C12orf56: variants seen among roughly 807,000 people sequenced by gnomAD.
The protein encoded by C12orf56 is chromosome 12 open reading frame 56, also known as uncharacterized protein C12orf56.
In C12orf56, 71 loss-of-function variants were observed where a neutral mutation model predicts 69.9. That is an observed-to-expected ratio of 1.02 (90% CI 0.84 to 1.24). The LOEUF (loss-of-function observed/expected upper bound fraction) is 1.24. Among genes scored for constraint, C12orf56 ranks in the 50% most tolerant of loss-of-function variants. The pLI is 0.00. For synonymous variants in C12orf56, 276 were observed against 274.1 expected, an observed-to-expected ratio of 1.01 and a Z score of -0.07; for missense variants, 732 against 738.5, an observed-to-expected ratio of 0.99 and a Z score of 0.10.
At chr12:64,358,457 C>CCAAAAA in intron 1 of C12orf56, among the ~76,000 whole-genome samples, 1 of 81,156 alleles carries the variant, frequency 1.2e-5, no homozygotes, top group East Asian at 3.7e-4. Context: ...GACTCCATCT[C>CCAAAAA]AAAAGTAATA....
chr12:64,327,780 G>A (rs1201058010), intron 3 of C12orf56, among the ~76,000 whole-genome samples: 1 of 152,166 alleles, frequency 6.6e-6, no homozygotes, highest in African/African-American at 2.4e-5. Flanking sequence ...TTCTGTCTTA[G>A]TTTTTTTGAT....
intron 1 of C12orf56, among the ~76,000 whole-genome samples, chr12:64,365,910 T>G (rs1271071977): frequency 7.5e-6 from 1 of 133,922 alleles, no homozygotes; most frequent in Non-Finnish European, 1.5e-5. Flanking sequence ...ACATTATGTA[T>G]AGTGTATATA....
chr12:64,390,416 G>A lies in C12orf56; in HGVS notation c.150C>T (p.Leu50=), dbSNP rs1440275234. Residue 50 remains leucine (L), a synonymous_variant, in exon 1 of 13, where the codon CTC becomes CTT. Transcript: ENST00000543942. The stretch of plus-strand genomic sequence containing the variant: ...GCCGGTCGCTTAGCACCACATACTT[G>A]AGGATGTGGTTCTCAGAGTTGGACA... ...IVVSNSENHI[L]KYVVLSDRLV... 4.3e-6 allele frequency: 7 copies of A among 1,613,034 alleles called. No homozygotes were observed. The highest frequency in any genetic ancestry group is 5.9e-6 in the Non-Finnish European group (7 of 1,179,744).
intron 1 of C12orf56, among the ~76,000 whole-genome samples, chr12:64,361,642 G>A (rs1468607165): frequency 6.6e-6 from 1 of 152,036 alleles, no homozygotes; most frequent in African/African-American, 2.4e-5. Context: ...TCCACCTTTT[G>A]TTTAGCATAT....
At chr12:64,299,693 A>G (rs1396746593) in intron 6 of C12orf56, among the ~76,000 whole-genome samples, 5 of 152,122 alleles carry the variant, frequency 3.3e-5, no homozygotes, top group African/African-American at 1.2e-4. Context: ...TGTGCCAATC[A>G]CTATAGTAAA....
rs554505618 is a variant in C12orf56 at position 64,304,776 on chromosome 12, T to C, written c.969-997A>G. Among the ~76,000 whole-genome samples, 81 of 152,308 alleles carry C rather than the reference T, an allele frequency of 5.3e-4. 1 individual carries two copies. The highest frequency in any genetic ancestry group is 1.3e-4 in the Non-Finnish European group (9 of 68,026). ...CGTTCTTGGACTGAGCTGGCTCCAC[T>C]GTGGGGACCGAGCTGGGAATTACTA... On this transcript the variant is annotated intron_variant, in intron 5 of 12. Transcript: ENST00000543942.
intron 5 of C12orf56, among the ~76,000 whole-genome samples, chr12:64,309,448 G>C (rs2038576709): frequency 6.6e-6 from 1 of 152,194 alleles, no homozygotes. Flanking sequence ...CCATGTGGTA[G>C]TAGCAGAATT....
intron 1 of C12orf56, among the ~76,000 whole-genome samples, chr12:64,381,843 GA>G (rs1288554860): frequency 6.6e-6 from 1 of 152,212 alleles, no homozygotes; most frequent in African/African-American, 2.4e-5. Flanking sequence ...AATCAAGGAT[GA>G]TGGAAGATGA....
intron 1 of C12orf56, among the ~76,000 whole-genome samples, chr12:64,377,829 G>A (rs2135980977): frequency 6.6e-6 from 1 of 152,254 alleles, no homozygotes; most frequent in Non-Finnish European, 1.5e-5. Context: ...AAGGCTTAAA[G>A]TCTTGCGGGA....
intron 4 of C12orf56, among the ~76,000 whole-genome samples, chr12:64,316,463 G>A (rs1162952044): frequency 6.6e-6 from 1 of 152,122 alleles, no homozygotes; most frequent in East Asian, 1.9e-4. Context: ...GTGTGCAGCA[G>A]AGCTTCTAAC....
intron 2 of C12orf56, among the ~76,000 whole-genome samples, chr12:64,332,906 G>A (rs2136868487): frequency 6.6e-6 from 1 of 152,258 alleles, no homozygotes; most frequent in East Asian, 1.9e-4. Flanking sequence ...GATTCCCTAG[G>A]AGACTCCAAA....
intron 8 of C12orf56, among the ~76,000 whole-genome samples, chr12:64,280,376 A>G (rs2038106146): frequency 6.6e-6 from 1 of 152,192 alleles, no homozygotes; most frequent in South Asian, 2.1e-4. Flanking sequence ...TGAATTTTGA[A>G]TGTACTACAA....
chr12:64,273,332 T>G (rs2038014449), intron 11 of C12orf56, among the ~76,000 whole-genome samples: 1 of 150,942 alleles, frequency 6.6e-6, no homozygotes, highest in African/African-American at 2.5e-5. Context: ...ACATATTACC[T>G]CGTGTCCATC....
At chr12:64,277,355 G>A (rs4763150) in intron 9 of C12orf56, among the ~76,000 whole-genome samples, 111,788 of 151,982 alleles carry the variant, frequency 0.74, 41,687 homozygotes, top group Non-Finnish European at 0.8. Context: ...TATACATCAT[G>A]TTTTGTACAC....
intron 2 of C12orf56, among the ~76,000 whole-genome samples, chr12:64,345,209 TG>T (rs1455574396): frequency 6.6e-6 from 1 of 151,966 alleles, no homozygotes; most frequent in Non-Finnish European, 1.5e-5. Context: ...ACAGGAACAT[TG>T]GGGGGTGGGT....
At chr12:64,333,039 A>G (rs1219425987) in intron 2 of C12orf56, among the ~76,000 whole-genome samples, 1 of 152,246 alleles carries the variant, frequency 6.6e-6, no homozygotes, top group Non-Finnish European at 1.5e-5. Flanking sequence ...TTCACAAATA[A>G]TGGTACAAAA....
intron 12 of C12orf56, among the ~76,000 whole-genome samples, chr12:64,268,216 G>C (rs1303854661): frequency 3.3e-5 from 5 of 152,130 alleles, no homozygotes; most frequent in East Asian, 1.9e-4. Flanking sequence ...TGTAATTTAG[G>C]GGGTAAGAGT....
chr12:64,349,642 A>G (rs2039194579), intron 2 of C12orf56, among the ~76,000 whole-genome samples: 2 of 152,242 alleles, frequency 1.3e-5, no homozygotes, highest in Admixed American at 1.3e-4. Flanking sequence ...TGGATAAAGA[A>G]ACTGTGGAAT....
intron 2 of C12orf56, among the ~76,000 whole-genome samples, chr12:64,346,599 C>T (rs2039146053): frequency 1.3e-5 from 2 of 152,122 alleles, no homozygotes. Flanking sequence ...CACTGGTGAT[C>T]ATCTCAATCT....
Sources: gnomAD v4.1 joint callset for allele counts (sites outside exome capture counted in the v4.1 genomes callset) on GRCh38, gnomAD v4.1.1 for gene constraint, MANE v1.5 for transcripts, NCBI Gene and HGNC (gene_info 2026-07-23, HGNC 2026-07-21) for gene names.